TMEM38B: variants seen among roughly 807,000 people sequenced by gnomAD.
The protein encoded by TMEM38B is trimeric intracellular cation channel type B.
TMEM38B carries 24 observed loss-of-function variants against 28.7 expected under a neutral mutation model. That is an observed-to-expected ratio of 0.84 (90% confidence interval 0.61 to 1.18). The LOEUF is 1.18. TMEM38B is among the 50% of genes most tolerant of loss of function. The probability of loss-of-function intolerance (pLI) is 0.00; values close to 1 mark genes in which losing one functional copy is unlikely to be tolerated. For synonymous variants in TMEM38B, 131 were observed against 127.7 expected, an observed-to-expected ratio of 1.03 and a Z score of -0.17; for missense variants, 380 against 350.9, an observed-to-expected ratio of 1.08 and a Z score of -0.66.
intron 4 of TMEM38B, among the ~76,000 whole-genome samples, chr9:105,747,527 G>T (rs182848713): frequency 6.6e-6 from 1 of 152,036 alleles, no homozygotes; most frequent in African/African-American, 2.4e-5. Flanking sequence ...CAAAAAAACA[G>T]CTCCTGGATT....
chr9:105,752,660 A>G (rs1334715707), intron 5 of TMEM38B, among the ~76,000 whole-genome samples: 1 of 152,216 alleles, frequency 6.6e-6, no homozygotes, highest in Non-Finnish European at 1.5e-5. Context: ...CAAAAACCCC[A>G]TTCAGAAGTC....
At chr9:105,710,809 C>CTGGGTGCAT in intron 2 of TMEM38B, 1 of 434,680 alleles carries the variant, frequency 2.3e-6, no homozygotes. Flanking sequence ...ACTGGGTGCA[C>CTGGGTGCAT]TAACGGGCCC....
intron 2 of TMEM38B, among the ~76,000 whole-genome samples, chr9:105,713,782 G>A (rs886111445): frequency 1.3e-5 from 2 of 152,222 alleles, no homozygotes; most frequent in African/African-American, 4.8e-5. Context: ...GCCCACCCAT[G>A]GCTTCCCATG....
intron 5 of TMEM38B, chr9:105,760,890 T>C: frequency 1.8e-6 from 1 of 541,178 alleles, no homozygotes. Flanking sequence ...AGTACCAAAA[T>C]AGTTGTTTAT....
chr9:105,714,520 T>C (rs1235474903), intron 2 of TMEM38B, among the ~76,000 whole-genome samples: 1 of 152,236 alleles, frequency 6.6e-6, no homozygotes, highest in Non-Finnish European at 1.5e-5. Context: ...TGCTTGGTTC[T>C]TTCCCTTCAT....
intron 2 of TMEM38B, among the ~76,000 whole-genome samples, 171 bp downstream of exon 2, chr9:105,705,924 G>A (rs1040226382): frequency 2.1e-5 from 3 of 146,246 alleles, no homozygotes; most frequent in South Asian, 2.2e-4. Flanking sequence ...TTTTTGAGAC[G>A]GAGTCTCACT....
At chr9:105,699,348 A>T (rs1588380309) in intron 1 of TMEM38B, among the ~76,000 whole-genome samples, 1 of 152,200 alleles carries the variant, frequency 6.6e-6, no homozygotes, top group African/African-American at 2.4e-5. Flanking sequence ...TAGAACTCAC[A>T]CCTACAGTAA....
chr9:105,722,588 A>G lies in TMEM38B; in HGVS notation c.509A>G (p.Lys170Arg). 1 of 1,613,778 alleles carries G rather than the reference A, an allele frequency of 6.2e-7. No homozygotes were observed. The highest frequency in any genetic ancestry group is 8.5e-7 in the Non-Finnish European group (1 of 1,179,808). ...GAGAGGTTGGTAAAAGGAGATTGGAAACCAGAAGGTGATGAATGGCTGAAG... is the reference window on the plus strand; with the variant it reads ...GAGAGGTTGGTAAAAGGAGATTGGAGACCAGAAGGTGATGAATGGCTGAAG... ...NFERLVKGDWKPEGDEWLKMS... is the reference protein window; with the variant it reads ...NFERLVKGDWRPEGDEWLKMS... The change falls in exon 4 of 6, where the codon AAA (lysine) becomes AGA (arginine). Residue 170 changes from lysine to arginine, a missense_variant. By Grantham distance (26) the Lys-to-Arg change is conservative (BLOSUM62 2). Transcript: ENST00000374692.
chr9:105,695,621 C>T (rs775989811), intron 1 of TMEM38B, among the ~76,000 whole-genome samples: 3 of 152,108 alleles, frequency 2.0e-5, no homozygotes, highest in Non-Finnish European at 4.4e-5. Context: ...TTGTATGGAC[C>T]TCTTCTTTCT....
At chr9:105,733,050 G>A (rs1166683279) in intron 4 of TMEM38B, among the ~76,000 whole-genome samples, 4 of 152,146 alleles carry the variant, frequency 2.6e-5, no homozygotes, top group African/African-American at 9.7e-5. Context: ...GGTTTTGAGT[G>A]AGTTTCTTAA....
At chr9:105,768,614 C>T (rs138326123) in intron 5 of TMEM38B, among the ~76,000 whole-genome samples, 60 of 152,156 alleles carry the variant, frequency 3.9e-4, no homozygotes, top group African/African-American at 1.4e-3. Flanking sequence ...TTCTATTTTA[C>T]TTGTGTCTGT....
At chr9:105,761,155 A>G (rs1173729338) in intron 5 of TMEM38B, among the ~76,000 whole-genome samples, 2 of 152,186 alleles carry the variant, frequency 1.3e-5, no homozygotes, top group Non-Finnish European at 2.9e-5. Flanking sequence ...GTTTGGGGTT[A>G]CTTCTTTGTT....
At chr9:105,762,975 T>C (rs924330769) in intron 5 of TMEM38B, among the ~76,000 whole-genome samples, 14 of 143,128 alleles carry the variant, frequency 9.8e-5, no homozygotes, top group African/African-American at 2.8e-4. Flanking sequence ...TGGTATCTCA[T>C]TGTGGTTTTG....
At chr9:105,723,864 C>T (rs548372702) in intron 4 of TMEM38B, among the ~76,000 whole-genome samples, 3 of 146,934 alleles carry the variant, frequency 2.0e-5, no homozygotes, top group African/African-American at 7.6e-5. Context: ...GTCAGAGTTT[C>T]GCTGTTGTCA....
chr9:105,737,761 G>T (rs903837120), intron 4 of TMEM38B, among the ~76,000 whole-genome samples: 2 of 152,190 alleles, frequency 1.3e-5, no homozygotes, highest in Non-Finnish European at 2.9e-5. Flanking sequence ...GGTTCCCTGG[G>T]AATTGGAGTG....
At chr9:105,698,492 C>G (rs1289366217) in intron 1 of TMEM38B, among the ~76,000 whole-genome samples, 1 of 151,722 alleles carries the variant, frequency 6.6e-6, no homozygotes, top group East Asian at 1.9e-4. Context: ...CTATTGAGAT[C>G]ATATTGTGTT....
At chr9:105,760,157 G>T in intron 5 of TMEM38B, 1 of 885,852 alleles carries the variant, frequency 1.1e-6, no homozygotes. Context: ...CCACCAAATT[G>T]TAGAAAGCTT....
At chr9:105,768,848 C>T (rs576477131) in intron 5 of TMEM38B, among the ~76,000 whole-genome samples, 7 of 152,178 alleles carry the variant, frequency 4.6e-5, no homozygotes, top group African/African-American at 1.7e-4. Flanking sequence ...GTTTCAAAGA[C>T]CCAGCTTTTG....
At chr9:105,768,647 G>A (rs1283524208) in intron 5 of TMEM38B, among the ~76,000 whole-genome samples, 1 of 152,058 alleles carries the variant, frequency 6.6e-6, no homozygotes, top group African/African-American at 2.4e-5. Flanking sequence ...TATTTATTAC[G>A]GAATTTGCCA....
Sources: allele counts gnomAD v4.1 joint callset (sites outside exome capture counted in the v4.1 genomes callset), GRCh38; gene constraint gnomAD v4.1.1; transcripts MANE v1.5; gene names NCBI Gene and HGNC (gene_info 2026-07-23, HGNC 2026-07-21).